Variants in MCUB observed in about 807,000 individuals in gnomAD.
MCUB encodes the protein calcium uniporter regulatory subunit MCUb, mitochondrial.
In MCUB, 46 loss-of-function variants were observed where a neutral mutation model predicts 41.4. That is an observed-to-expected ratio of 1.11 (90% CI 0.88 to 1.42). MCUB has a LOEUF of 1.42. Among genes scored for constraint, MCUB ranks in the 40% most tolerant of loss-of-function variants. The probability of loss-of-function intolerance (pLI) is 0.00; values close to 1 mark genes in which losing one functional copy is unlikely to be tolerated. For missense variants in MCUB, 403 were observed against 404.9 expected, an observed-to-expected ratio of 1.00 and a Z score of 0.04; for synonymous variants, 148 against 148.2, an observed-to-expected ratio of 1.00 and a Z score of 0.01.
intron 1 of MCUB, chr4:109,648,688 A>C (rs1399437037): frequency 2.3e-5 from 8 of 353,050 alleles, no homozygotes; most frequent in Non-Finnish European, 3.2e-5. Context: ...CCTATATAGC[A>C]GTTTGATTTT....
intron 1 of MCUB, among the ~76,000 whole-genome samples, chr4:109,641,739 A>G (rs1186479686): frequency 6.6e-6 from 1 of 152,168 alleles, no homozygotes; most frequent in Non-Finnish European, 1.5e-5. Context: ...CTGCCATTTC[A>G]TTTGTCAGTT....
chr4:109,645,031 C>T lies in MCUB; in HGVS notation c.100-13980C>T, dbSNP rs1260690072. Among the ~76,000 whole-genome samples the T allele has an allele frequency of 2.6e-5, 4 of 152,280 alleles. No individual in the cohort carries two copies. In the South Asian group the frequency reaches 6.2e-4, roughly 24 times the overall value. On this transcript the variant is annotated intron_variant, in intron 1 of 7. Transcript: ENST00000394650. ...GGAGCAACAAGCCTCCCCCTTTATACTCACTCCCACACATATCTAACAGAT... is the reference window on the plus strand; with the variant it reads ...GGAGCAACAAGCCTCCCCCTTTATATTCACTCCCACACATATCTAACAGAT...
intron 1 of MCUB, among the ~76,000 whole-genome samples, chr4:109,581,682 A>C (rs2126126757): frequency 6.6e-6 from 1 of 152,364 alleles, no homozygotes; most frequent in South Asian, 2.1e-4. Flanking sequence ...AAACAAATTT[A>C]CAAGAAAAAA....
At chr4:109,589,248 G>A (rs1234156753) in intron 1 of MCUB, among the ~76,000 whole-genome samples, 1 of 152,202 alleles carries the variant, frequency 6.6e-6, no homozygotes, top group African/African-American at 2.4e-5. Context: ...GTGTGAATGA[G>A]TAGGGTGGAT....
chr4:109,595,621 A>G (rs1727537321), intron 1 of MCUB, among the ~76,000 whole-genome samples: 2 of 152,304 alleles, frequency 1.3e-5, no homozygotes, highest in South Asian at 4.1e-4. Context: ...CAGGTGCACC[A>G]CAACTATATG....
chr4:109,573,838 T>C (rs1014375669), intron 1 of MCUB, among the ~76,000 whole-genome samples: 1 of 151,534 alleles, frequency 6.6e-6, no homozygotes, highest in Non-Finnish European at 1.5e-5. Context: ...ATGGTGAGAG[T>C]TCTTGTAGGA....
intron 4 of MCUB, among the ~76,000 whole-genome samples, chr4:109,677,295 G>T (rs948486200): frequency 2.6e-5 from 4 of 152,156 alleles, no homozygotes; most frequent in African/African-American, 9.7e-5. Flanking sequence ...CTGTGAGTTT[G>T]ATTTCAGACT....
intron 1 of MCUB, among the ~76,000 whole-genome samples, chr4:109,597,128 A>C (rs1260892693): frequency 1.3e-5 from 2 of 150,458 alleles, no homozygotes; most frequent in Admixed American, 6.6e-5. Context: ...TCCCATGTCT[A>C]CTTCTTTCTA....
chr4:109,601,995 A>G (rs148607970), intron 1 of MCUB, among the ~76,000 whole-genome samples: 276 of 152,118 alleles, frequency 1.8e-3, no homozygotes, highest in African/African-American at 6.5e-3. Flanking sequence ...GTTGATGGAC[A>G]TTTGCCATTT....
chr4:109,657,070 T>A lies in MCUB; in HGVS notation c.100-1941T>A, dbSNP rs189866430. Among the ~76,000 whole-genome samples, 488 of 152,152 alleles carry A rather than the reference T, an allele frequency of 3.2e-3. 4 individuals are homozygous for A. Among genetic ancestry groups the A allele is most frequent in the Non-Finnish European group, 6.1e-3 (412 of 67,980 alleles). On this transcript the variant is annotated intron_variant, in intron 1 of 7. Transcript: ENST00000394650. ...CCATCTCTACTAAAAATACAAAAAA[T>A]TAGCCAGGCATGGTGGCAGGTGCCT...
intron 1 of MCUB, among the ~76,000 whole-genome samples, chr4:109,582,042 G>A (rs1727190018): frequency 6.6e-6 from 1 of 151,962 alleles, no homozygotes; most frequent in Non-Finnish European, 1.5e-5. Flanking sequence ...TATACCCAAA[G>A]GATTATAAAT....
intron 1 of MCUB, among the ~76,000 whole-genome samples, chr4:109,639,939 C>T (rs938277487): frequency 6.6e-6 from 1 of 152,168 alleles, no homozygotes; most frequent in East Asian, 1.9e-4. Flanking sequence ...TCAGGTGTCA[C>T]GTGCGTTTGT....
At chr4:109,660,069 A>G in intron 2 of MCUB, 126 bp from the exon 3 acceptor site, 2 of 607,264 alleles carry the variant, frequency 3.3e-6, no homozygotes, top group Non-Finnish European at 2.9e-6. Flanking sequence ...TTGGAGCAAT[A>G]CAAATTTTTA....
intron 1 of MCUB, among the ~76,000 whole-genome samples, chr4:109,606,098 C>T (rs774367912): frequency 6.6e-6 from 1 of 152,158 alleles, no homozygotes; most frequent in Non-Finnish European, 1.5e-5. Context: ...CCTCAACCTA[C>T]TAAGTAGCTG....
At chr4:109,583,793 A>C (rs1294359918) in intron 1 of MCUB, among the ~76,000 whole-genome samples, 3 of 152,180 alleles carry the variant, frequency 2.0e-5, no homozygotes, top group Non-Finnish European at 1.5e-5. Flanking sequence ...ATTTTGTCGA[A>C]GGCCTTTTCT....
In MCUB at chr4:109,659,087, G is replaced by C; in HGVS notation, c.175+1G>C. On this transcript the variant is annotated splice_donor_variant, in intron 2 of 7. Transcript: ENST00000394650. LOFTEE classifies it high-confidence loss of function. ...TATAGTACCGTGGTGCCACCTGATGGTAAGCTTTCTTACCATTTATTTGAT... is the reference window on the plus strand; with the variant it reads ...TATAGTACCGTGGTGCCACCTGATGCTAAGCTTTCTTACCATTTATTTGAT... The C allele has an allele frequency of 3.5e-6, 5 of 1,447,216 alleles. No individual in the cohort carries two copies. The highest frequency in any genetic ancestry group is 4.8e-6 in the Non-Finnish European group (5 of 1,051,710). 89.6% of individuals were successfully genotyped at this position (1,447,216 alleles called of 1,614,324 possible). A position where few individuals can be genotyped will look rare whatever the true frequency, so the allele number is the denominator to read the frequency against.
At chr4:109,665,302 T>A (rs138174860) in intron 4 of MCUB, among the ~76,000 whole-genome samples, 3 of 152,342 alleles carry the variant, frequency 2.0e-5, no homozygotes, top group African/African-American at 7.2e-5. Flanking sequence ...AAAAGTGTCT[T>A]GGGTCTTTAT....
chr4:109,633,528 C>T (rs2126138613), intron 1 of MCUB, among the ~76,000 whole-genome samples: 1 of 152,264 alleles, frequency 6.6e-6, no homozygotes, highest in South Asian at 2.1e-4. Context: ...CTCGGCCTCC[C>T]AAAGTGCTGG....
intron 1 of MCUB, among the ~76,000 whole-genome samples, chr4:109,612,899 G>A (rs1219969709): frequency 1.3e-5 from 2 of 152,128 alleles, no homozygotes; most frequent in African/African-American, 2.4e-5. Flanking sequence ...AAGGTCAGGA[G>A]ATCAAGACCA....
Sources: gnomAD v4.1 joint callset for allele counts (sites outside exome capture counted in the v4.1 genomes callset) on GRCh38, gnomAD v4.1.1 for gene constraint, MANE v1.5 for transcripts, NCBI Gene and HGNC (gene_info 2026-07-23, HGNC 2026-07-21) for gene names.